The following HNMT variants were observed in gnomAD, a reference collection of about 807,000 sequenced individuals.
The protein encoded by HNMT is histamine N-methyltransferase.
In HNMT, 30 loss-of-function variants were observed where a neutral mutation model predicts 32.1. The observed-to-expected ratio is 0.93, with a 90% CI of 0.70 to 1.27. The LOEUF is 1.27. HNMT is among the 50% of genes most tolerant of loss of function. The pLI, the probability that HNMT is intolerant of heterozygous loss-of-function variation, is 0.00. For synonymous variants in HNMT, 125 were observed against 119.0 expected, an observed-to-expected ratio of 1.05 and a Z score of -0.33; for missense variants, 327 against 346.0, an observed-to-expected ratio of 0.95 and a Z score of 0.43.
chr2:137,980,018 T>G (rs555810692), intron 2 of HNMT, among the ~76,000 whole-genome samples: 1 of 151,986 alleles, frequency 6.6e-6, no homozygotes, highest in South Asian at 2.1e-4. Context: ...TTCAGAAGAT[T>G]TTGATTCACC....
At chr2:137,969,591 T>C (rs757323138) in intron 1 of HNMT, among the ~76,000 whole-genome samples, 14 of 152,210 alleles carry the variant, frequency 9.2e-5, no homozygotes, top group African/African-American at 3.4e-4. Context: ...CAAGTCCTAC[T>C]GGCTTATTTC....
chr2:137,978,864 TA>T (rs1161055586), intron 2 of HNMT, among the ~76,000 whole-genome samples: 2 of 139,374 alleles, frequency 1.4e-5, no homozygotes, highest in East Asian at 4.2e-4. Context: ...TTTAGTATTA[TA>T]TAATAGTCTT....
At chr2:137,967,884 C>G (rs1459534110) in intron 1 of HNMT, among the ~76,000 whole-genome samples, 1 of 152,176 alleles carries the variant, frequency 6.6e-6, no homozygotes, top group Non-Finnish European at 1.5e-5. Context: ...CTCTCTGCCT[C>G]TTTCCATCTC....
At chr2:138,001,049 A>G (rs1216684504) in intron 3 of HNMT, 24 bp downstream of exon 3, 2 of 1,221,624 alleles carry the variant, frequency 1.6e-6, no homozygotes, top group African/African-American at 3.0e-5. Flanking sequence ...CTGGTCCTCT[A>G]CACCAGATCC....
chr2:137,977,216 A>G (rs1197932234), intron 2 of HNMT, among the ~76,000 whole-genome samples: 2 of 152,154 alleles, frequency 1.3e-5, no homozygotes, highest in African/African-American at 2.4e-5. Context: ...AATTTTGATT[A>G]TTTACAATCT....
intron 3 of HNMT, among the ~76,000 whole-genome samples, chr2:138,001,720 G>T (rs1317746210): frequency 6.6e-6 from 1 of 152,108 alleles, no homozygotes; most frequent in East Asian, 1.9e-4. Context: ...TCCCTGGACT[G>T]TAGTTTGTCT....
chr2:137,982,685 T>G (rs1373418336), intron 2 of HNMT, among the ~76,000 whole-genome samples: 2 of 152,162 alleles, frequency 1.3e-5, no homozygotes, highest in Admixed American at 1.3e-4. Context: ...AAACTAAAAT[T>G]TATTGAATTT....
Position 138,010,434 on chromosome 2 carries a change from G to GACACACAC in HNMT, c.524-3335_524-3334insACACACAC, listed in dbSNP as rs375739175. Reference sequence around the variant, plus strand: ...TAGGAATAAAAGGCTCAATAAAAAAGACACACGCACACACACACACACACA... The same window carrying GACACACAC: ...TAGGAATAAAAGGCTCAATAAAAAAGACACACACACACACGCACACACACACACACACA... On this transcript the variant is annotated intron_variant, in intron 5 of 5. Transcript: ENST00000280097. Among the ~76,000 whole-genome samples, 30 of 117,768 alleles carry GACACACAC rather than the reference G, an allele frequency of 2.5e-4. No individual in the cohort carries two copies. In the East Asian group the frequency reaches 2.7e-3, roughly 10 times the overall value. The allele number at this position is 117,768 out of a possible 152,430, so 77.3% of individuals were successfully genotyped here. A position where few individuals can be genotyped will look rare whatever the true frequency, so the allele number is the denominator to read the frequency against.
chr2:137,971,905 A>G (rs1294431153), intron 2 of HNMT, among the ~76,000 whole-genome samples: 1 of 151,936 alleles, frequency 6.6e-6, no homozygotes, highest in Non-Finnish European at 1.5e-5. Context: ...CTTTTGTCTG[A>G]GTGATAGTTC....
intron 1 of HNMT, among the ~76,000 whole-genome samples, chr2:137,965,234 G>T (rs1679920807): frequency 6.6e-6 from 1 of 151,886 alleles, no homozygotes; most frequent in African/African-American, 2.4e-5. Flanking sequence ...TATCCTTCTT[G>T]CAGAGTTCTT....
chr2:137,981,979 G>T (rs944549006), intron 2 of HNMT, among the ~76,000 whole-genome samples: 1 of 152,012 alleles, frequency 6.6e-6, no homozygotes, highest in African/African-American at 2.4e-5. Context: ...TCAGCCACCC[G>T]AGTAGCTGAG....
At chr2:138,010,601 G>C (rs1488140159) in intron 5 of HNMT, among the ~76,000 whole-genome samples, 1 of 151,974 alleles carries the variant, frequency 6.6e-6, no homozygotes, top group Non-Finnish European at 1.5e-5. Context: ...TTACTGGTCA[G>C]CTTATGGAAA....
At chr2:137,981,211 T>G (rs758318541) in intron 2 of HNMT, 5 of 1,613,284 alleles carry the variant, frequency 3.1e-6, no homozygotes, top group Non-Finnish European at 4.2e-6. Context: ...TTTCTTGACC[T>G]GCAGATTGTC....
chr2:137,986,090 A>G (rs765760260), intron 2 of HNMT, among the ~76,000 whole-genome samples: 3 of 152,058 alleles, frequency 2.0e-5, no homozygotes, highest in Non-Finnish European at 2.9e-5. Context: ...GATTACAGTA[A>G]GCTAAAGGCC....
chr2:137,994,109 C>G (rs185170939), intron 2 of HNMT, among the ~76,000 whole-genome samples: 1 of 152,126 alleles, frequency 6.6e-6, no homozygotes, highest in South Asian at 2.1e-4. Flanking sequence ...GAAACTGCAA[C>G]AACTAGTGTA....
chr2:137,967,376 T>A, intron 1 of HNMT: 1 of 410,874 alleles, frequency 2.4e-6, no homozygotes, highest in Non-Finnish European at 4.3e-6. Context: ...GCTCTCAGCC[T>A]GGATGACAGA....
chr2:137,974,268 T>C (rs540842700), intron 2 of HNMT, among the ~76,000 whole-genome samples: 1 of 152,304 alleles, frequency 6.6e-6, no homozygotes, highest in Non-Finnish European at 1.5e-5. Context: ...AATTGCTTTA[T>C]TCAGGGTCTT....
chr2:137,981,187 C>G (rs199916480), intron 2 of HNMT: 1 of 1,608,770 alleles, frequency 6.2e-7, no homozygotes, highest in East Asian at 2.2e-5. Flanking sequence ...TGGCCACAGT[C>G]TTTAATCCCC....
intron 5 of HNMT, among the ~76,000 whole-genome samples, chr2:138,012,792 T>A (rs1156369): frequency 0.21 from 32,216 of 151,790 alleles, 3,679 homozygotes; most frequent in South Asian, 0.3. Context: ...TTTACCCATA[T>A]CCTACATCCA....
Sources: gnomAD v4.1 joint callset for allele counts (sites outside exome capture counted in the v4.1 genomes callset) on GRCh38, gnomAD v4.1.1 for gene constraint, MANE v1.5 for transcripts, NCBI Gene and HGNC (gene_info 2026-07-23, HGNC 2026-07-21) for gene names.